MIB2: variants seen among roughly 807,000 people sequenced by gnomAD.
MIB2 encodes MIB E3 ubiquitin protein ligase 2, also known as E3 ubiquitin-protein ligase MIB2.
In MIB2, 78 loss-of-function variants were observed where a neutral mutation model predicts 96.6. The ratio of observed to expected loss-of-function variants is 0.81; its 90% CI spans 0.67 to 0.97. The LOEUF (loss-of-function observed/expected upper bound fraction) is 0.97, where lower values mean the gene tolerates loss of function less well. Ranked by LOEUF, MIB2 falls within the 50% of genes least tolerant of loss-of-function variation. The pLI is 0.00. For synonymous variants in MIB2, 820 were observed against 629.5 expected (o/e 1.30, Z -4.53); for missense variants, 1,543 against 1,424.0 (o/e 1.08, Z -1.35).
At chr1:1,618,355 G>A (rs1199522836) in intron 2 of MIB2, 1 of 152,420 alleles carries the variant, frequency 6.6e-6, no homozygotes, top group East Asian at 1.9e-4. Context: ...GGAAGGAATG[G>A]ATGCTGGACA....
chr1:1,625,301 T>A lies in MIB2; in HGVS notation c.737T>A (p.Leu246Gln). The A allele has an allele frequency of 1.3e-6, 2 of 1,586,180 alleles. No homozygotes were observed. The highest frequency in any genetic ancestry group is 8.6e-7 in the Non-Finnish European group (1 of 1,167,874). ...CCCTCCGCAGGCAAGCCGGCGGAGC[T>A]GCAGCGCAGGGTGAGTGCTGACAGC... ...HLPRLGKPAELQRRVSADSQP... is the reference protein window; with the variant it reads ...HLPRLGKPAEQQRRVSADSQP... The change falls in exon 7 of 20, where the codon CTG becomes CAG. Residue 246 changes from leucine (L) to glutamine (Q), a missense_variant. Transcript: ENST00000355826. This position sits in a 1 kb window ranked among gnomAD's most constrained non-coding sequence, Gnocchi z 5.0.
intron 2 of MIB2, among the ~76,000 whole-genome samples, chr1:1,621,250 G>C (rs1181468558): frequency 1.3e-5 from 2 of 152,240 alleles, no homozygotes; most frequent in Non-Finnish European, 2.9e-5. Context: ...CTGGGTGGTG[G>C]GTGGGCTCCT....
rs886859980 is a variant in MIB2, at chr1:1,628,328, G to T, written c.1897G>T (p.Asp633Tyr). 2 of 1,612,884 alleles carry T rather than the reference G, an allele frequency of 1.2e-6. No homozygotes were observed. The highest frequency in any genetic ancestry group is 1.7e-6 in the Non-Finnish European group (2 of 1,179,936). Reference protein sequence around the residue: ...ARQLVDAKKEDGFTALHLAAL... With the variant: ...ARQLVDAKKEYGFTALHLAAL... The stretch of plus-strand genomic sequence containing the variant: ...GCAGCTGGTGGACGCCAAGAAGGAG[G>T]ACGGCTTCACGGCGCTGCATCTGGC... Residue 633 changes from aspartate (D) to tyrosine (Y), a missense_variant, in exon 15 of 20, where the codon GAC becomes TAC. Asp to Tyr is a radical substitution (Grantham distance 160). Coordinates refer to ENST00000355826, the MANE Select transcript of MIB2 (RefSeq NM_001170687.4).
Position 1,623,414 on chromosome 1 carries a change from G to T in MIB2, c.-22-17G>T. On this transcript the variant is annotated splice_polypyrimidine_tract_variant and intron_variant, in intron 2 of 19. Transcript: ENST00000355826. ...GTCCCGAGCAGCCCGGCCCACCATG[G>T]ACCCCTCTGCCCACAGGTCCCGAGC... The T allele has an allele frequency of 6.2e-7, 1 of 1,601,082 alleles. No homozygotes were observed. Among genetic ancestry groups the T allele is most frequent in the South Asian group, 1.1e-5 (1 of 89,802 alleles).
At position 1,623,626 on chromosome 1, in the gene MIB2, G is replaced by A. The variant is rs1450137631; in HGVS notation, c.174G>A (p.Gln58=). ...PDRTVVVQWD[Q]GTRTNYRAGY... is the part of the protein sequence containing the mutation. ...GCACAGTGGTCGTGCAGTGGGACCA[G>A]GGCACGCGCACCAACTACCGCGCCG... Residue 58 remains glutamine, a synonymous_variant, in exon 3 of 20, where the codon CAG becomes CAA. Transcript: ENST00000355826. 26 of 1,483,476 alleles carry A rather than the reference G, an allele frequency of 1.8e-5. No individual in the cohort carries two copies. The South Asian group carries it at 3.5e-4, about 20-fold the overall frequency. The allele number at this position is 1,483,476 out of a possible 1,614,324, so 91.9% of individuals were successfully genotyped here.
Position 1,629,374 on chromosome 1 carries a change from T to TC in MIB2, c.2382-6dup, listed in dbSNP as rs1247043821. On this transcript the variant is annotated splice_polypyrimidine_tract_variant and intron_variant, in intron 17 of 19. Transcript: ENST00000355826. ...TCCGGGCCCCTCTCAAGCCGCCTCC[T>TC]CCCCCTGCAGGGAGCGGCAGGCGGG... The TC allele has an allele frequency of 2.2e-5, 31 of 1,436,390 alleles. No individual in the cohort carries two copies. Among genetic ancestry groups the TC allele is most frequent in the Middle Eastern group, 2.4e-4 (1 of 4,240 alleles). 89.0% of individuals were successfully genotyped at this position (1,436,390 alleles called of 1,614,324 possible). A position where few individuals can be genotyped will look rare whatever the true frequency, so the allele number is the denominator to read the frequency against.
At position 1,628,693 on chromosome 1, in the gene MIB2, G is replaced by T. The variant is rs199708127; in HGVS notation, c.2173G>T (p.Asp725Tyr). The change falls in exon 16 of 20, where the codon GAC (aspartate) becomes TAC (tyrosine). Residue 725 changes from aspartate (D) to tyrosine (Y), a missense_variant. By Grantham distance (160) the Asp-to-Tyr change is radical. Transcript: ENST00000355826. ...CCTGGTGGCTGATGGGGCCGGGGGG[G>T]ACCCAGGGCCCTTGCAGCTGCTGTC... ...LPLVADGAGG[D>Y]PGPLQLLSRL... is the part of the protein sequence containing the mutation. 4.7e-5 allele frequency: 74 copies of T among 1,564,868 alleles called. No individual in the cohort carries two copies. The East Asian group carries it at 4.9e-4, about 10-fold the overall frequency.
At chr1:1,623,194 C>A (rs1402219375) in intron 2 of MIB2, 3 of 619,886 alleles carry the variant, frequency 4.8e-6, no homozygotes, top group Non-Finnish European at 5.3e-6. Context: ...GGGCCCAGAC[C>A]ACCCTGCAGT....
In MIB2 at chr1:1,630,331, C is replaced by T. The variant is rs1439608344; in HGVS notation, c.2669C>T (p.Pro890Leu). The T allele has an allele frequency of 4.3e-5, 66 of 1,534,484 alleles. No individual in the cohort carries two copies. Among genetic ancestry groups the T allele is most frequent in the Admixed American group, 5.9e-5 (3 of 50,424 alleles). Reference sequence around the variant, plus strand: ...GCGAGCGCCGCCCCCGCCCCCGGCCCGCCGCGCCAGCTGGTGGAGGAGCTG... The same window carrying T: ...GCGAGCGCCGCCCCCGCCCCCGGCCTGCCGCGCCAGCTGGTGGAGGAGCTG... Reference protein sequence around the residue: ...EVASAAPAPGPPRQLVEELQS... With the variant: ...EVASAAPAPGLPRQLVEELQS... Residue 890 changes from proline (P) to leucine (L), a missense_variant, in exon 20 of 20, where the codon CCG becomes CTG. Pro to Leu is a moderately conservative substitution (Grantham distance 98). Coordinates refer to ENST00000355826, the MANE Select transcript of MIB2 (RefSeq NM_001170687.4).
chr1:1,624,371 G>A (rs1352322794), intron 4 of MIB2, among the ~76,000 whole-genome samples: 1 of 152,162 alleles, frequency 6.6e-6, no homozygotes, highest in African/African-American at 2.4e-5. Flanking sequence ...GGGAGGTGTG[G>A]TTGTCTTGGG....
intron 19 of MIB2, among the ~76,000 whole-genome samples, 167 bp from the exon 20 acceptor site, chr1:1,630,125 A>C (rs1569921579): frequency 8.1e-6 from 1 of 124,184 alleles, no homozygotes; most frequent in Non-Finnish European, 1.7e-5. Flanking sequence ...TCCTGCCCGC[A>C]CCCGGGCCCC....
Position 1,625,884 on chromosome 1 carries a change from A to G in MIB2, c.972+231A>G. On this transcript the variant is annotated intron_variant, in intron 8 of 19. Transcript: ENST00000355826. The surrounding 1 kb of genome is among the most constrained non-coding windows in gnomAD (Gnocchi z 5.0). ...TATGTCTCTGGGAGCTGGAATGGGC[A>G]GGTTAGGGCCTCCCTCTGTTCCAGG... The G allele has an allele frequency of 1.7e-6, 1 of 574,054 alleles. No homozygotes were observed. 35.6% of individuals were successfully genotyped at this position (574,054 alleles called of 1,614,324 possible). A position where few individuals can be genotyped will look rare whatever the true frequency, so the allele number is the denominator to read the frequency against.
Position 1,626,516 on chromosome 1 carries a change from T to TGGGGTC in MIB2, c.973-123_973-118dup, listed in dbSNP as rs1185335486. On this transcript the variant is annotated intron_variant, in intron 8 of 19. Transcript: ENST00000355826. The surrounding 1 kb of genome is among the most constrained non-coding windows in gnomAD (Gnocchi z 5.3). ...TCCAGCCAGAGCCTCTGGCAGTGCC[T>TGGGGTC]GGGGTCGGGGTCGGGGCCGGGGCCG... 3.0e-4 allele frequency: 215 copies of TGGGGTC among 723,984 alleles called. No homozygotes were observed. Among genetic ancestry groups the TGGGGTC allele is most frequent in the South Asian group, 1.1e-3 (56 of 52,364 alleles). The allele number at this position is 723,984 out of a possible 1,614,324, so 44.8% of individuals were successfully genotyped here.
intron 1 of MIB2, 160 bp from the exon 2 acceptor site, chr1:1,616,348 C>T: frequency 1.8e-6 from 1 of 552,560 alleles, no homozygotes; most frequent in South Asian, 3.4e-5. Flanking sequence ...CCTGCGCGCT[C>T]AGACCCCAGG....
Position 1,625,641 on chromosome 1 carries a change from G to A in MIB2, c.960G>A (p.Gly320=). The A allele has an allele frequency of 6.4e-7, 1 of 1,561,204 alleles. No individual in the cohort carries two copies. Among genetic ancestry groups the A allele is most frequent in the Non-Finnish European group, 8.7e-7 (1 of 1,152,936 alleles). Residue 320 remains glycine, a synonymous_variant, in exon 8 of 20, where the codon GGG becomes GGA. Coordinates refer to ENST00000355826, the MANE Select transcript of MIB2 (RefSeq NM_001170687.4). This position sits in a 1 kb window ranked among gnomAD's most constrained non-coding sequence, Gnocchi z 5.0. The stretch of plus-strand genomic sequence containing the variant: ...AGACGCGCTGGACCTTCCACCCCGG[G>A]GCGCTCACCAAGGTGCCGGGGGGGC... ...NHETRWTFHP[G]ALTKHHSFWV...
chr1:1,629,864 C>T (rs1428596878), intron 19 of MIB2, among the ~76,000 whole-genome samples, 160 bp downstream of exon 19: 1 of 144,628 alleles, frequency 6.9e-6, no homozygotes, highest in Non-Finnish European at 1.5e-5. Flanking sequence ...CCCCCAGCCC[C>T]CAGCCCCGCC....
intron 2 of MIB2, 73 bp downstream of exon 2, chr1:1,616,687 G>A (rs868017762): frequency 3.3e-6 from 4 of 1,196,852 alleles, no homozygotes; most frequent in Middle Eastern, 3.8e-4. Context: ...TGGAAGCCAC[G>A]TCAGAGAGGC....
Position 1,629,377 on chromosome 1 carries a change from C to T in MIB2, c.2382-8C>T. On this transcript the variant is annotated splice_polypyrimidine_tract_variant and splice_region_variant and intron_variant, in intron 17 of 19. Coordinates refer to ENST00000355826, the MANE Select transcript of MIB2 (RefSeq NM_001170687.4). The stretch of plus-strand genomic sequence containing the variant: ...GGGCCCCTCTCAAGCCGCCTCCTCC[C>T]CCTGCAGGGAGCGGCAGGCGGGCGG... 4 of 1,449,618 alleles carry T rather than the reference C, an allele frequency of 2.8e-6. No individual in the cohort carries two copies. The highest frequency in any genetic ancestry group is 1.4e-5 in the South Asian group (1 of 69,032). The allele number at this position is 1,449,618 out of a possible 1,614,324, so 89.8% of individuals were successfully genotyped here.
Position 1,625,715 on chromosome 1 carries a change from C to T in MIB2, c.972+62C>T. ...TTCTGTAACCCCTTCCACGTACCCC[C>T]TTGGCCTTGGGGGGTCAGGCAGGAC... On this transcript the variant is annotated intron_variant, in intron 8 of 19. Transcript: ENST00000355826. The surrounding 1 kb of genome is among the most constrained non-coding windows in gnomAD (Gnocchi z 5.0). The T allele has an allele frequency of 7.1e-7, 1 of 1,413,836 alleles. No individual in the cohort carries two copies. The allele number at this position is 1,413,836 out of a possible 1,614,324, so 87.6% of individuals were successfully genotyped here.
Sources: allele counts gnomAD v4.1 joint callset (sites outside exome capture counted in the v4.1 genomes callset), GRCh38; gene constraint gnomAD v4.1.1; non-coding constraint Gnocchi (gnomAD v3.1); transcripts MANE v1.5; gene names NCBI Gene and HGNC (gene_info 2026-07-23, HGNC 2026-07-21).